The following JADE2 variants were observed in gnomAD, a reference collection of about 807,000 sequenced individuals.
JADE2 encodes E3 ubiquitin-protein ligase Jade-2.
A neutral mutation model predicts 85.7 loss-of-function variants in JADE2; 13 were observed. The observed-to-expected ratio is 0.15, with a 90% CI of 0.10 to 0.24. The LOEUF (loss-of-function observed/expected upper bound fraction) is 0.24, where lower values mean the gene tolerates loss of function less well. Ranked by LOEUF, JADE2 falls within the 10% of genes least tolerant of loss-of-function variation. The pLI, the probability that JADE2 is intolerant of heterozygous loss-of-function variation, is 1.00. For synonymous variants in JADE2, 440 were observed against 456.1 expected, an observed-to-expected ratio of 0.96 and a Z score of 0.45; for missense variants, 846 against 1,115.9, an observed-to-expected ratio of 0.76 and a Z score of 3.45.
At chr5:134,537,477 G>GCA (rs368987845) in intron 2 of JADE2, among the ~76,000 whole-genome samples, 2 of 79,540 alleles carry the variant, frequency 2.5e-5, no homozygotes, top group African/African-American at 3.7e-5. Flanking sequence ...ACAAACTAAG[G>GCA]CTCAGCAAGA....
At chr5:134,555,439 G>A (rs899109167) in intron 4 of JADE2, among the ~76,000 whole-genome samples, 1 of 152,250 alleles carries the variant, frequency 6.6e-6, no homozygotes, top group Non-Finnish European at 1.5e-5. Context: ...CCTAGGGTCA[G>A]GTCAGTCCAT....
intron 10 of JADE2, 119 bp from the exon 11 acceptor site, chr5:134,576,647 TGC>T: frequency 8.2e-7 from 1 of 1,223,510 alleles, no homozygotes; most frequent in South Asian, 1.5e-5. Context: ...CCAACCTTTT[TGC>T]TGTGGAGGGT....
In JADE2 at chr5:134,525,729, A is replaced by C; in HGVS notation, c.-283A>C. On this transcript the variant is annotated 5_prime_UTR_variant, in exon 1 of 12. Transcript: ENST00000681547. ...ACCGCGGCCATCGCAGTTGGAGGCT[A>C]TTTTTTGGGGGGGGTGAGTAGCGTC... The C allele has an allele frequency of 8.2e-7, 1 of 1,226,884 alleles. No homozygotes were observed. The allele number at this position is 1,226,884 out of a possible 1,614,324, so 76.0% of individuals were successfully genotyped here.
chr5:134,560,053 C>A, intron 5 of JADE2, 63 bp downstream of exon 5: 1 of 1,583,872 alleles, frequency 6.3e-7, no homozygotes, highest in South Asian at 1.1e-5. Context: ...CTCCCCATCC[C>A]GAGAGGGACA....
At chr5:134,572,266 G>C (rs978258745) in intron 9 of JADE2, among the ~76,000 whole-genome samples, 3 of 152,236 alleles carry the variant, frequency 2.0e-5, no homozygotes, top group Non-Finnish European at 4.4e-5. Flanking sequence ...GTGGCCTGGT[G>C]CTCACGGTCT....
chr5:134,576,727 G>A (rs1255212402), intron 10 of JADE2, 41 bp from the exon 11 acceptor site: 1 of 1,549,892 alleles, frequency 6.5e-7, no homozygotes, highest in African/African-American at 1.4e-5. Context: ...AGGCCACTCA[G>A]GGTAACCATC....
Position 134,566,318 on chromosome 5 carries a change from C to T in JADE2, c.1172C>T (p.Thr391Ile). The T allele has an allele frequency of 1.9e-6, 3 of 1,614,090 alleles. No homozygotes were observed. Among genetic ancestry groups the T allele is most frequent in the African/African-American group, 1.3e-5 (1 of 75,040 alleles). ...GCTGGCGAGGACCTGGAAAAGGTGA[C>T]CCTGCGCAAGCAGCGGCTGCAGCAG... The part of the protein sequence containing the change: ...SQAGEDLEKV[T>I]LRKQRLQQLE... Residue 391 changes from threonine to isoleucine, a missense_variant, in exon 9 of 12, where the codon ACC becomes ATC. By Grantham distance (89) the Thr-to-Ile change is moderately conservative (BLOSUM62 -1). Transcript: ENST00000681547. This position sits in a 1 kb window ranked among gnomAD's most constrained non-coding sequence, Gnocchi z 6.7.
Position 134,560,827 on chromosome 5 carries a change from C to T in JADE2, c.554C>T (p.Ala185Val). The part of the protein sequence containing the change: ...ETLCHQNMAR[A>V]IETQEGLGIE... ...CTGTGCCACCAGAATATGGCCAGGG[C>T]CATTGAGACGCAGGAGGGGCTGGGC... Residue 185 changes from alanine (A) to valine (V), a missense_variant, in exon 6 of 12, where the codon GCC (alanine) becomes GTC (valine). Transcript: ENST00000681547. 1.9e-6 allele frequency: 3 copies of T among 1,614,196 alleles called. No homozygotes were observed. The highest frequency in any genetic ancestry group is 2.5e-6 in the Non-Finnish European group (3 of 1,180,024).
At position 134,566,063 on chromosome 5, in the gene JADE2, C is replaced by A; in HGVS notation, c.970-53C>A. The A allele has an allele frequency of 6.7e-7, 1 of 1,490,022 alleles. No homozygotes were observed. The allele number at this position is 1,490,022 out of a possible 1,614,324, so 92.3% of individuals were successfully genotyped here. A position where few individuals can be genotyped will look rare whatever the true frequency, so the allele number is the denominator to read the frequency against. The stretch of plus-strand genomic sequence containing the variant: ...CCTGGGGGAAGCCCCTCTGTCTTCT[C>A]CCCTCCCACCAGGCTCCCTCCATGT... On this transcript the variant is annotated intron_variant, in intron 8 of 11. Coordinates refer to ENST00000681547, the MANE Select transcript of JADE2 (RefSeq NM_001388185.1). This position sits in a 1 kb window ranked among gnomAD's most constrained non-coding sequence, Gnocchi z 6.7.
intron 1 of JADE2, among the ~76,000 whole-genome samples, chr5:134,528,849 G>A (rs1015969428): frequency 6.6e-6 from 1 of 152,224 alleles, no homozygotes; most frequent in African/African-American, 2.4e-5. Context: ...TGCAGCAAAT[G>A]TTTCCAGAAT....
At chr5:134,527,127 G>T (rs1297836268) in intron 1 of JADE2, among the ~76,000 whole-genome samples, 1 of 144,404 alleles carries the variant, frequency 6.9e-6, no homozygotes, top group Non-Finnish European at 1.5e-5. Flanking sequence ...CCCCCACCTA[G>T]CGCTGCTGCA....
chr5:134,552,264 C>T (rs572999461), intron 4 of JADE2, 55 bp downstream of exon 4: 195 of 1,543,288 alleles, frequency 1.3e-4, no homozygotes, highest in Non-Finnish European at 9.7e-6. Flanking sequence ...GAAGGGGAGG[C>T]TGCTTTCCAG....
rs763210426 is a variant in JADE2 at position 134,552,126 on chromosome 5, C to T, written c.228C>T (p.Ile76=). 1 of 1,614,216 alleles carries T rather than the reference C, an allele frequency of 6.2e-7. No homozygotes were observed. The highest frequency in any genetic ancestry group is 8.5e-7 in the Non-Finnish European group (1 of 1,180,030). The change falls in exon 4 of 12, where the codon ATC becomes ATT. Residue 76 remains isoleucine, a synonymous_variant. Coordinates refer to ENST00000681547, the MANE Select transcript of JADE2 (RefSeq NM_001388185.1). ...AGCTCAGCCCGGATGACTACTACAT[C>T]CTGGCAGACCCATGGCGACAGGAAT... ...SYQLSPDDYY[I]LADPWRQEWE...
In JADE2 at chr5:134,566,004, G is replaced by T; in HGVS notation, c.970-112G>T. ...TTGGGAGCCCATGCCATTCTGTTTA[G>T]GTTCTCTCCAGCATTGCGCATTCTC... On this transcript the variant is annotated intron_variant, in intron 8 of 11. Transcript: ENST00000681547. The surrounding 1 kb of genome is among the most constrained non-coding windows in gnomAD (Gnocchi z 6.7). 5 of 912,414 alleles carry T rather than the reference G, an allele frequency of 5.5e-6. No homozygotes were observed. The highest frequency in any genetic ancestry group is 8.4e-6 in the Non-Finnish European group (5 of 592,010). The allele number at this position is 912,414 out of a possible 1,614,324, so 56.5% of individuals were successfully genotyped here. A position where few individuals can be genotyped will look rare whatever the true frequency, so the allele number is the denominator to read the frequency against.
intron 8 of JADE2, among the ~76,000 whole-genome samples, chr5:134,565,653 T>G (rs1293063701): frequency 6.6e-6 from 1 of 152,154 alleles, no homozygotes; most frequent in Non-Finnish European, 1.5e-5. Context: ...GAGACCAGCC[T>G]GGCCAACATG....
chr5:134,551,522 C>T (rs1447175153), intron 3 of JADE2, among the ~76,000 whole-genome samples: 1 of 151,484 alleles, frequency 6.6e-6, no homozygotes, highest in Non-Finnish European at 1.5e-5. Flanking sequence ...AGCCACCTTG[C>T]CTGGCCCTTT....
intron 10 of JADE2, chr5:134,574,249 C>T (rs1296787159): frequency 1.5e-5 from 3 of 206,420 alleles, no homozygotes; most frequent in African/African-American, 2.4e-5. Flanking sequence ...CCTGCATCCG[C>T]GGTGTTTTTC....
chr5:134,526,946 C>T (rs893890471), intron 1 of JADE2, among the ~76,000 whole-genome samples: 2 of 152,142 alleles, frequency 1.3e-5, no homozygotes, highest in Admixed American at 1.3e-4. Flanking sequence ...CCCTTGTTTA[C>T]CTTCTCCCAA....
chr5:134,526,191 CAG>C lies in JADE2; in HGVS notation c.-1+181_-1+182del, dbSNP rs886685539. 1.4e-4 allele frequency: 136 copies of C among 985,486 alleles called. No homozygotes were observed. In the African/African-American group the frequency reaches 2.2e-3, roughly 16 times the overall value. The allele number at this position is 985,486 out of a possible 1,614,324, so 61.0% of individuals were successfully genotyped here. A position where few individuals can be genotyped will look rare whatever the true frequency, so the allele number is the denominator to read the frequency against. On this transcript the variant is annotated intron_variant, in intron 1 of 11. Transcript: ENST00000681547. The stretch of plus-strand genomic sequence containing the variant: ...GCGGAGAGGGGGGGGATGCACAGCA[CAG>C]GGGAGAGAGATTGCGCATGTTGGTC...
Sources: gnomAD v4.1 joint callset for allele counts (sites outside exome capture counted in the v4.1 genomes callset) on GRCh38, gnomAD v4.1.1 for gene constraint, Gnocchi (gnomAD v3.1) non-coding constraint, MANE v1.5 for transcripts, NCBI Gene and HGNC (gene_info 2026-07-23, HGNC 2026-07-21) for gene names.